Variants in RSPO2 observed in about 807,000 individuals in gnomAD.
RSPO2 encodes R-spondin-2.
In RSPO2, 14 loss-of-function variants were observed where a neutral mutation model predicts 30.9. The ratio of observed to expected loss-of-function variants is 0.45; its 90% CI spans 0.30 to 0.71. The LOEUF (loss-of-function observed/expected upper bound fraction) is 0.71, where lower values mean the gene tolerates loss of function less well. RSPO2 is among the 30% of genes least tolerant of loss of function. RSPO2 has a pLI of 0.08. For missense variants in RSPO2, 264 were observed against 301.9 expected (o/e 0.87, Z 0.93); for synonymous variants, 107 against 96.4 (o/e 1.11, Z -0.64).
chr8:108,067,964 G>A (rs1812725154), intron 2 of RSPO2, among the ~76,000 whole-genome samples: 1 of 152,114 alleles, frequency 6.6e-6, no homozygotes, highest in Non-Finnish European at 1.5e-5. Flanking sequence ...AGCTACTCAG[G>A]AGGCTGAGGC....
At chr8:108,064,287 A>T (rs1388842770) in intron 2 of RSPO2, among the ~76,000 whole-genome samples, 3 of 152,212 alleles carry the variant, frequency 2.0e-5, no homozygotes, top group Non-Finnish European at 4.4e-5. Flanking sequence ...CTCCTCTGAC[A>T]AAGGGCTAAT....
intron 2 of RSPO2, among the ~76,000 whole-genome samples, chr8:108,037,205 T>A (rs1015833438): frequency 1.3e-5 from 2 of 152,094 alleles, no homozygotes; most frequent in Non-Finnish European, 2.9e-5. Flanking sequence ...AAAGGAAAAG[T>A]TCTTGAAGAA....
chr8:108,075,629 T>A (rs1305231632), intron 2 of RSPO2, among the ~76,000 whole-genome samples: 2 of 151,452 alleles, frequency 1.3e-5, no homozygotes, highest in Admixed American at 6.6e-5. Context: ...TCTGAAATAA[T>A]CAGAAGAGAC....
At chr8:107,920,551 A>C (rs1812128345) in intron 5 of RSPO2, among the ~76,000 whole-genome samples, 2 of 152,162 alleles carry the variant, frequency 1.3e-5, no homozygotes, top group Admixed American at 6.6e-5. Context: ...AGTAGGATTC[A>C]AGCATAAATC....
intron 2 of RSPO2, among the ~76,000 whole-genome samples, chr8:108,054,945 CTCTAACAAA>C (rs755221964): frequency 2.0e-5 from 3 of 151,982 alleles, no homozygotes; most frequent in Non-Finnish European, 4.4e-5. Flanking sequence ...AAAACCCTGT[CTCTAACAAA>C]ACAAAACAAA....
At chr8:108,058,615 A>G (rs1005939444) in intron 2 of RSPO2, among the ~76,000 whole-genome samples, 2 of 152,138 alleles carry the variant, frequency 1.3e-5, no homozygotes, top group Non-Finnish European at 1.5e-5. Context: ...AGGCTACAGT[A>G]ACCAAAACAG....
intron 3 of RSPO2, among the ~76,000 whole-genome samples, chr8:107,971,234 C>T (rs567103389): frequency 1.3e-5 from 2 of 152,118 alleles, no homozygotes; most frequent in Admixed American, 6.5e-5. Context: ...CCACAAGAAA[C>T]AAATGTAAGC....
intron 5 of RSPO2, among the ~76,000 whole-genome samples, chr8:107,936,993 C>T (rs189021509): frequency 2.0e-5 from 3 of 152,094 alleles, no homozygotes; most frequent in Admixed American, 6.6e-5. Context: ...TTTGGTTTAA[C>T]GTAGTCCCGT....
intron 5 of RSPO2, among the ~76,000 whole-genome samples, chr8:107,932,744 A>C (rs1024883862): frequency 3.9e-5 from 6 of 152,140 alleles, no homozygotes; most frequent in Non-Finnish European, 8.8e-5. Flanking sequence ...ATAAAGAGAA[A>C]ACAACATCAT....
intron 2 of RSPO2, among the ~76,000 whole-genome samples, chr8:108,003,311 ATTTTTTTTTTTTTTT>A (rs869040336): frequency 3.4e-5 from 1 of 29,036 alleles, no homozygotes; most frequent in African/African-American, 1.3e-4. Flanking sequence ...ATATATATAT[ATTTTTTTTTTTTTTT>A]TTTTTTTTTT....
chr8:108,037,655 C>A (rs1811638050), intron 2 of RSPO2, among the ~76,000 whole-genome samples: 1 of 152,210 alleles, frequency 6.6e-6, no homozygotes, highest in African/African-American at 2.4e-5. Context: ...GAATGTCTAA[C>A]TTCAAAGAAC....
chr8:107,937,886 A>G (rs761342450), intron 5 of RSPO2, among the ~76,000 whole-genome samples: 1 of 152,158 alleles, frequency 6.6e-6, no homozygotes, highest in African/African-American at 2.4e-5. Context: ...CAATATTTTC[A>G]GCAGACCAGT....
intron 5 of RSPO2, among the ~76,000 whole-genome samples, chr8:107,906,754 T>C (rs925905748): frequency 7.2e-5 from 11 of 152,004 alleles, no homozygotes; most frequent in Admixed American, 1.3e-4. Flanking sequence ...ATCTTCCTAC[T>C]GTCCATATAG....
chr8:107,998,160 C>G (rs563157126), intron 2 of RSPO2, among the ~76,000 whole-genome samples: 13 of 151,782 alleles, frequency 8.6e-5, no homozygotes, highest in Non-Finnish European at 1.3e-4. Flanking sequence ...ATGTATGCCT[C>G]TTCTTAACCT....
At position 108,034,339 on chromosome 8, in the gene RSPO2, G is replaced by A. The variant is rs542432042; in HGVS notation, c.95-45095C>T. 4.6e-5 allele frequency among the ~76,000 whole-genome samples: 7 copies of A among 152,266 alleles called. No individual in the cohort carries two copies. In the South Asian group the frequency reaches 1.2e-3, roughly 27 times the overall value. On this transcript the variant is annotated intron_variant, in intron 2 of 5. Coordinates refer to ENST00000276659, the MANE Select transcript of RSPO2 (RefSeq NM_178565.5). ...CACACACACATATTTGGAATAGTCT[G>A]AGAAATTTGGTTACGGTGGGTATTC...
chr8:107,945,380 CTGAGACTA>C (rs1476883650), intron 5 of RSPO2, among the ~76,000 whole-genome samples: 1 of 149,790 alleles, frequency 6.7e-6, no homozygotes, highest in African/African-American at 2.4e-5. Flanking sequence ...TCCCGAGTAG[CTGAGACTA>C]CAGGCATCTG....
chr8:107,921,067 C>A (rs1812151454), intron 5 of RSPO2, among the ~76,000 whole-genome samples: 1 of 151,914 alleles, frequency 6.6e-6, no homozygotes, highest in South Asian at 2.1e-4. Flanking sequence ...ATAGTTACTG[C>A]AGATTTATGT....
intron 3 of RSPO2, among the ~76,000 whole-genome samples, chr8:107,964,369 G>A (rs891569439): frequency 6.6e-6 from 1 of 152,188 alleles, no homozygotes; most frequent in Non-Finnish European, 1.5e-5. Flanking sequence ...CAGCGTCCCA[G>A]TAGCTGAGAT....
intron 5 of RSPO2, among the ~76,000 whole-genome samples, chr8:107,928,688 C>T (rs1812460480): frequency 6.6e-6 from 1 of 152,202 alleles, no homozygotes; most frequent in Admixed American, 6.5e-5. Context: ...GTTTCAGCCT[C>T]AGCTCTGCCA....
Sources: gnomAD v4.1 joint callset for allele counts (sites outside exome capture counted in the v4.1 genomes callset) on GRCh38, gnomAD v4.1.1 for gene constraint, MANE v1.5 for transcripts, NCBI Gene and HGNC (gene_info 2026-07-23, HGNC 2026-07-21) for gene names.